SMARCAD1: variants seen among roughly 807,000 people sequenced by gnomAD.
SMARCAD1 encodes the protein SNF2 related chromatin remodeling ATPase with DExD box 1.
A neutral mutation model predicts 127.1 loss-of-function variants in SMARCAD1; 25 were observed. The ratio of observed to expected loss-of-function variants is 0.20; its 90% CI spans 0.14 to 0.27. SMARCAD1 has a LOEUF of 0.27. Ranked by LOEUF, SMARCAD1 falls within the 10% of genes least tolerant of loss-of-function variation. The probability of loss-of-function intolerance (pLI) is 1.00; values close to 1 mark genes in which losing one functional copy is unlikely to be tolerated. For synonymous variants in SMARCAD1, 400 were observed against 396.9 expected, an observed-to-expected ratio of 1.01 and a Z score of -0.09; for missense variants, 807 against 1,206.0, an observed-to-expected ratio of 0.67 and a Z score of 4.90.
At chr4:94,257,198 C>T (rs1021671775) in intron 9 of SMARCAD1, among the ~76,000 whole-genome samples, 6 of 151,952 alleles carry the variant, frequency 3.9e-5, no homozygotes, top group African/African-American at 1.5e-4. Context: ...TAACTTTCTT[C>T]CTCCTGAAAA....
chr4:94,238,052 AT>A (rs1307688715), intron 5 of SMARCAD1, among the ~76,000 whole-genome samples: 1 of 152,166 alleles, frequency 6.6e-6, no homozygotes, highest in Non-Finnish European at 1.5e-5. Context: ...GGTTTAAAAT[AT>A]GTACAAAAAT....
intron 11 of SMARCAD1, 86 bp from the exon 12 acceptor site, chr4:94,273,531 A>G (rs1320248151): frequency 7.9e-6 from 8 of 1,006,658 alleles, no homozygotes; most frequent in Non-Finnish European, 1.2e-5. Flanking sequence ...AATACAGCAC[A>G]GAATTACTGC....
At chr4:94,211,671 C>T (rs1742285614) in intron 2 of SMARCAD1, among the ~76,000 whole-genome samples, 1 of 151,978 alleles carries the variant, frequency 6.6e-6, no homozygotes, top group Admixed American at 6.6e-5. Context: ...TTTCCTATGA[C>T]CCTCCTTCAG....
chr4:94,237,147 A>G, intron 5 of SMARCAD1, 129 bp downstream of exon 5: 3 of 801,418 alleles, frequency 3.7e-6, no homozygotes, highest in Non-Finnish European at 6.3e-6. Context: ...GTGAGGTATT[A>G]ATAGTTTCAC....
chr4:94,281,964 C>CG (rs1754093477), intron 21 of SMARCAD1, among the ~76,000 whole-genome samples: 3 of 151,414 alleles, frequency 2.0e-5, no homozygotes, highest in Admixed American at 2.0e-4. Context: ...GTTTGAGCCC[C>CG]GGGGGGCGGA....
In SMARCAD1 at chr4:94,278,694, G is replaced by A. The variant is rs758897655; in HGVS notation, c.2257G>A (p.Gly753Ser). Reference protein sequence around the residue: ...MSEKQEQLYLGLFNRLKKSIN... With the variant: ...MSEKQEQLYLSLFNRLKKSIN... ...GGAGAAGCAGGAGCAACTCTATTTG[G>A]GTCTTTTCAACAGATTGAAAAAATC... The change falls in exon 18 of 24, where the codon GGT becomes AGT. Residue 753 changes from glycine to serine, a missense_variant. Gly to Ser is a moderately conservative substitution (Grantham distance 56). Coordinates refer to ENST00000354268, the MANE Select transcript of SMARCAD1 (RefSeq NM_020159.5). 1 of 1,613,684 alleles carries A rather than the reference G, an allele frequency of 6.2e-7. No homozygotes were observed. Among genetic ancestry groups the A allele is most frequent in the Admixed American group, 1.7e-5 (1 of 59,982 alleles).
Position 94,207,916 on chromosome 4 carries a change from C to G in SMARCAD1, c.-204C>G. The stretch of plus-strand genomic sequence containing the variant: ...CAGCACGGCCTCCGCCGCTCCCCTT[C>G]TTTGGCCCCTTTGTGTCCCCGCAGT... On this transcript the variant is annotated 5_prime_UTR_variant, in exon 1 of 24. Transcript: ENST00000354268. 1 of 343,028 alleles carries G rather than the reference C, an allele frequency of 2.9e-6. No homozygotes were observed. Among genetic ancestry groups the G allele is most frequent in the Middle Eastern group, 1.1e-3 (1 of 924 alleles). 21.2% of individuals were successfully genotyped at this position (343,028 alleles called of 1,614,324 possible).
chr4:94,275,073 C>T (rs903010610), intron 14 of SMARCAD1, 108 bp downstream of exon 14: 12 of 817,674 alleles, frequency 1.5e-5, no homozygotes, highest in Middle Eastern at 3.5e-4. Flanking sequence ...AACTGTGATA[C>T]GAAAGTAATA....
At chr4:94,262,901 A>AG (rs1369587941) in intron 9 of SMARCAD1, among the ~76,000 whole-genome samples, 10 of 98,308 alleles carry the variant, frequency 1.0e-4, no homozygotes, top group South Asian at 3.4e-4. Context: ...AAAAAAAAAA[A>AG]AAAAAAGAAA....
At chr4:94,273,123 G>T (rs1349206891) in intron 11 of SMARCAD1, among the ~76,000 whole-genome samples, 1 of 152,160 alleles carries the variant, frequency 6.6e-6, no homozygotes, top group Non-Finnish European at 1.5e-5. Context: ...GTTATTTCCA[G>T]TGTTTGGCTA....
chr4:94,225,580 G>C (rs879428388), intron 2 of SMARCAD1, among the ~76,000 whole-genome samples: 38 of 152,122 alleles, frequency 2.5e-4, no homozygotes, highest in Non-Finnish European at 8.8e-5. Context: ...TTAATGATGG[G>C]GAGGAGTACA....
At chr4:94,275,398 G>A (rs558532337) in intron 14 of SMARCAD1, among the ~76,000 whole-genome samples, 1 of 152,182 alleles carries the variant, frequency 6.6e-6, no homozygotes, top group East Asian at 1.9e-4. Flanking sequence ...ATACTACTTG[G>A]TAATAATTGA....
chr4:94,280,039 A>C (rs961357428), intron 19 of SMARCAD1, among the ~76,000 whole-genome samples: 1 of 151,846 alleles, frequency 6.6e-6, no homozygotes, highest in South Asian at 2.1e-4. Flanking sequence ...TAATTTTTGT[A>C]TTTTTAGTAG....
At chr4:94,275,672 C>G (rs1230307406) in intron 14 of SMARCAD1, among the ~76,000 whole-genome samples, 1 of 151,956 alleles carries the variant, frequency 6.6e-6, no homozygotes, top group Non-Finnish European at 1.5e-5. Context: ...CATGTTTTAG[C>G]TTCACGTTCT....
chr4:94,207,934 C>A lies in SMARCAD1; in HGVS notation c.-186C>A. On this transcript the variant is annotated 5_prime_UTR_variant, in exon 1 of 24. Transcript: ENST00000354268. ...TCCCCTTCTTTGGCCCCTTTGTGTC[C>A]CCGCAGTGTCGAGGCGCGGGCCCTG... 1 of 349,742 alleles carries A rather than the reference C, an allele frequency of 2.9e-6. No homozygotes were observed. Among genetic ancestry groups the A allele is most frequent in the Admixed American group, 3.8e-5 (1 of 26,016 alleles). 21.7% of individuals were successfully genotyped at this position (349,742 alleles called of 1,614,324 possible). A position where few individuals can be genotyped will look rare whatever the true frequency, so the allele number is the denominator to read the frequency against.
chr4:94,289,590 G>T lies in SMARCAD1; in HGVS notation c.*56G>T. 1 of 1,337,116 alleles carries T rather than the reference G, an allele frequency of 7.5e-7. No homozygotes were observed. Among genetic ancestry groups the T allele is most frequent in the South Asian group, 1.2e-5 (1 of 85,414 alleles). 82.8% of individuals were successfully genotyped at this position (1,337,116 alleles called of 1,614,324 possible). On this transcript the variant is annotated 3_prime_UTR_variant, in exon 24 of 24. Transcript: ENST00000354268. Reference sequence around the variant, plus strand: ...GAAATATCAACTTGGTGCACTCAAGGACATTTACATTATGATGACCATGGG... The same window carrying T: ...GAAATATCAACTTGGTGCACTCAAGTACATTTACATTATGATGACCATGGG...
At chr4:94,225,288 T>C (rs991983770) in intron 2 of SMARCAD1, among the ~76,000 whole-genome samples, 7 of 148,238 alleles carry the variant, frequency 4.7e-5, no homozygotes, top group African/African-American at 1.7e-4. Context: ...TGGGCCTCTT[T>C]CCTTGGCTTG....
At chr4:94,241,096 A>T in intron 6 of SMARCAD1, 90 bp downstream of exon 6, 2 of 827,470 alleles carry the variant, frequency 2.4e-6, no homozygotes, top group Non-Finnish European at 2.0e-6. Context: ...CTGAAAATCC[A>T]CCTAAATGAA....
At chr4:94,284,070 C>T (rs1171008110) in intron 22 of SMARCAD1, among the ~76,000 whole-genome samples, 4 of 151,772 alleles carry the variant, frequency 2.6e-5, no homozygotes, top group Non-Finnish European at 5.9e-5. Context: ...ACCTGTAATC[C>T]TAGCACTTTG....
Sources: gnomAD v4.1 joint callset for allele counts (sites outside exome capture counted in the v4.1 genomes callset) on GRCh38, gnomAD v4.1.1 for gene constraint, MANE v1.5 for transcripts, NCBI Gene and HGNC (gene_info 2026-07-23, HGNC 2026-07-21) for gene names.